MICALL2: variants seen among roughly 807,000 people sequenced by gnomAD.
MICALL2 encodes the protein MICAL like 2, also known as MICAL-like protein 2.
A neutral mutation model predicts 91.1 loss-of-function variants in MICALL2; 111 were observed. That is an observed-to-expected ratio of 1.22 (90% CI 1.04 to 1.43). The LOEUF (loss-of-function observed/expected upper bound fraction) is 1.43, where lower values mean the gene tolerates loss of function less well. MICALL2 is among the 40% of genes most tolerant of loss of function. The pLI is 0.00. For missense variants in MICALL2, 1,556 were observed against 1,236.0 expected (o/e 1.26, Z -3.88); for synonymous variants, 694 against 525.3 (o/e 1.32, Z -4.39).
intron 1 of MICALL2, among the ~76,000 whole-genome samples, chr7:1,455,952 G>C (rs995904746): frequency 6.6e-6 from 1 of 151,986 alleles, no homozygotes; most frequent in African/African-American, 2.4e-5. Context: ...ACCGGTCTGT[G>C]CCTGTCCCTC....
At chr7:1,442,073 G>A in intron 7 of MICALL2, 119 bp downstream of exon 7, 1 of 1,157,032 alleles carries the variant, frequency 8.6e-7, no homozygotes, top group Admixed American at 2.0e-5. Flanking sequence ...ACAGAGATGA[G>A]ACGGAGAGGA....
chr7:1,441,051 T>G, intron 7 of MICALL2: 1 of 298,070 alleles, frequency 3.4e-6, no homozygotes, highest in Non-Finnish European at 6.6e-6. Context: ...GGCTCCTGGG[T>G]CCTGCAGGAT....
chr7:1,441,995 G>A (rs958682194), intron 7 of MICALL2, 197 bp downstream of exon 7: 15 of 664,856 alleles, frequency 2.3e-5, no homozygotes, highest in East Asian at 5.4e-5. Context: ...TAGCCCTGAG[G>A]ACATTTGCAG....
rs532795212 is a variant in MICALL2, at chr7:1,445,557, G to A, written c.642-129C>T. The A allele has an allele frequency of 6.9e-3, 5,831 of 843,044 alleles. 31 individuals carry two copies. Among genetic ancestry groups the A allele is most frequent in the Non-Finnish European group, 9.0e-3 (5,047 of 558,210 alleles). The allele number at this position is 843,044 out of a possible 1,614,324, so 52.2% of individuals were successfully genotyped here. A position where few individuals can be genotyped will look rare whatever the true frequency, so the allele number is the denominator to read the frequency against. Reference sequence around the variant, plus strand: ...TGCGAGGTTGCTGAACGCCCGCCCCGCCACGCATTCACCACGTGCTCCTGA... The same window carrying A: ...TGCGAGGTTGCTGAACGCCCGCCCCACCACGCATTCACCACGTGCTCCTGA... On this transcript the variant is annotated intron_variant, in intron 5 of 16. Coordinates refer to ENST00000297508, the MANE Select transcript of MICALL2 (RefSeq NM_182924.4).
At chr7:1,448,889 G>C in intron 2 of MICALL2, 128 bp from the exon 3 acceptor site, 1 of 1,156,422 alleles carries the variant, frequency 8.6e-7, no homozygotes, top group South Asian at 1.4e-5. Context: ...GGCCGGAGCT[G>C]AGTTCTGCTC....
In MICALL2 at chr7:1,440,046, C is replaced by CA; in HGVS notation, c.1844_1845insT (p.Arg616GlufsTer27). ...CCTTCCTGGGGGCCTCCCCCGCCCT[C>CA]GGCTCTGCCAGGGCCCGTGGTTCCT... On this transcript the variant is annotated frameshift_variant, in exon 9 of 17. Coordinates refer to ENST00000297508, the MANE Select transcript of MICALL2 (RefSeq NM_182924.4). LOFTEE classifies it high-confidence loss of function. 6.3e-7 allele frequency: 1 copy of CA among 1,584,358 alleles called. No homozygotes were observed. The highest frequency in any genetic ancestry group is 8.5e-7 in the Non-Finnish European group (1 of 1,170,646).
intron 10 of MICALL2, 140 bp downstream of exon 10, chr7:1,438,700 G>T: frequency 1.3e-6 from 2 of 1,482,932 alleles, no homozygotes; most frequent in Non-Finnish European, 1.8e-6. Flanking sequence ...CTGGGGCACG[G>T]GGCTGGGTCC....
rs970660848 is a variant in MICALL2, at chr7:1,447,523, C to A, written c.525+52G>T. The A allele has an allele frequency of 2.6e-6, 3 of 1,175,790 alleles. No homozygotes were observed. In the East Asian group the frequency reaches 8.0e-5, roughly 32 times the overall value. 72.8% of individuals were successfully genotyped at this position (1,175,790 alleles called of 1,614,324 possible). ...CGTAGTCCCACAAGCCCCTTCTGCA[C>A]CCCCCGGTGGAAAACCCAGAGAACC... On this transcript the variant is annotated intron_variant, in intron 4 of 16. Coordinates refer to ENST00000297508, the MANE Select transcript of MICALL2 (RefSeq NM_182924.4).
At chr7:1,458,597 A>G (rs1225323996) in intron 1 of MICALL2, among the ~76,000 whole-genome samples, 1 of 152,226 alleles carries the variant, frequency 6.6e-6, no homozygotes, top group Non-Finnish European at 1.5e-5. Context: ...GAGACAGCCT[A>G]GTCCTCAACC....
intron 5 of MICALL2, 95 bp from the exon 6 acceptor site, chr7:1,445,523 G>A (rs1450737788): frequency 3.2e-6 from 4 of 1,246,526 alleles, no homozygotes; most frequent in Non-Finnish European, 4.3e-6. Context: ...GCGGACTCCT[G>A]TGTCCACTTG....
In MICALL2 at chr7:1,442,226, C is replaced by T. The variant is rs369686654; in HGVS notation, c.1677G>A (p.Pro559=). 6.4e-5 allele frequency: 104 copies of T among 1,612,668 alleles called. No individual in the cohort carries two copies. The highest frequency in any genetic ancestry group is 7.0e-5 in the Non-Finnish European group (83 of 1,179,924). ...GAGSRPKPEA[P]MAKGKSTTLT... ...AGGTGGTGCTTTTACCCTTTGCCAT[C>T]GGGGCCTCTGGCTTCGGCCTGGAGC... The change falls in exon 7 of 17, where the codon CCG becomes CCA. Residue 559 remains proline, a synonymous_variant. Coordinates refer to ENST00000297508, the MANE Select transcript of MICALL2 (RefSeq NM_182924.4).
At chr7:1,446,618 G>GGGA in intron 5 of MICALL2, 95 bp downstream of exon 5, 1 of 821,038 alleles carries the variant, frequency 1.2e-6, no homozygotes, top group South Asian at 1.5e-5. Flanking sequence ...ACGAGGAGCG[G>GGGA]GGAGGAGGAG....
intron 16 of MICALL2, 50 bp downstream of exon 16, chr7:1,435,051 C>A (rs771316227): frequency 3.1e-6 from 5 of 1,599,098 alleles, no homozygotes; most frequent in Non-Finnish European, 3.4e-6. Flanking sequence ...TCAGCATCCC[C>A]GGCCCACCCA....
At position 1,440,035 on chromosome 7, in the gene MICALL2, TCCC is replaced by T; in HGVS notation, c.1853_1855del (p.Gly618del). 1 of 1,576,130 alleles carries T rather than the reference TCCC, an allele frequency of 6.3e-7. No homozygotes were observed. Among genetic ancestry groups the T allele is most frequent in the Non-Finnish European group, 8.6e-7 (1 of 1,167,992 alleles). ...GCTGCCTGAGACCTTCCTGGGGGCC[TCCC>T]CCGCCCTCGGCTCTGCCAGGGCCCG... is the stretch of plus-strand genomic sequence containing the variant. On this transcript the variant is annotated inframe_deletion, in exon 9 of 17. Coordinates refer to ENST00000297508, the MANE Select transcript of MICALL2 (RefSeq NM_182924.4).
intron 7 of MICALL2, chr7:1,441,660 G>A (rs997626718): frequency 1.2e-5 from 2 of 166,652 alleles, no homozygotes; most frequent in African/African-American, 4.8e-5. Flanking sequence ...CCACCAGGGG[G>A]ACAGGGCATA....
rs748443886 is a variant in MICALL2, at chr7:1,444,689, A to G, written c.1381T>C (p.Ser461Pro). ...GGAGCGCCAGCCTCTTCCAGCGCTG[A>G]GAGGGCCTGCTTGAGGAAGTTCCGC... ...QARNFLKQAL[S>P]ALEEAGAPAP... The change falls in exon 6 of 17, where the codon TCA becomes CCA. Residue 461 changes from serine to proline, a missense_variant. Transcript: ENST00000297508. 7.4e-6 allele frequency: 12 copies of G among 1,611,936 alleles called. No individual in the cohort carries two copies. In the African/African-American group the frequency reaches 1.6e-4, roughly 22 times the overall value.
At position 1,438,911 on chromosome 7, in the gene MICALL2, G is replaced by T. The variant is rs780996529; in HGVS notation, c.2051C>A (p.Pro684His). The change falls in exon 10 of 17, where the codon CCC becomes CAC. Residue 684 changes from proline (P) to histidine (H), a missense_variant. Physicochemically the swap from Pro to His is moderately conservative, Grantham distance 77. Coordinates refer to ENST00000297508, the MANE Select transcript of MICALL2 (RefSeq NM_182924.4). ...CTGCACTCGGGCTTCCTGGCCAGGG[G>T]GCTCCGGCCGAAGCCAGTTGTCACA... ...DVCDNWLRPE[P>H]PGQEARVQSW... The T allele has an allele frequency of 6.2e-7, 1 of 1,609,472 alleles. No homozygotes were observed.
intron 1 of MICALL2, among the ~76,000 whole-genome samples, chr7:1,457,028 G>A (rs912482205): frequency 6.6e-6 from 1 of 152,106 alleles, no homozygotes; most frequent in South Asian, 2.1e-4. Context: ...GTGTGGGCTG[G>A]GCCTTGCTGC....
Position 1,440,074 on chromosome 7 carries a change from G to A in MICALL2, c.1817C>T (p.Pro606Leu). 1 of 1,588,986 alleles carries A rather than the reference G, an allele frequency of 6.3e-7. No individual in the cohort carries two copies. The highest frequency in any genetic ancestry group is 8.5e-7 in the Non-Finnish European group (1 of 1,172,302). Residue 606 changes from proline to leucine, a missense_variant, in exon 9 of 17, where the codon CCC becomes CTC. By Grantham distance (98) the Pro-to-Leu change is moderately conservative. Coordinates refer to ENST00000297508, the MANE Select transcript of MICALL2 (RefSeq NM_182924.4). ...CTCTGCCAGGGCCCGTGGTTCCTTGGGCTTCAGAGTCCTGGGCAGAAGGCA... is the reference window on the plus strand; with the variant it reads ...CTCTGCCAGGGCCCGTGGTTCCTTGAGCTTCAGAGTCCTGGGCAGAAGGCA... The part of the protein sequence containing the change: ...RRSPAERTLK[P>L]KEPRALAEPR...
Sources: gnomAD v4.1 joint callset for allele counts (sites outside exome capture counted in the v4.1 genomes callset) on GRCh38, gnomAD v4.1.1 for gene constraint, MANE v1.5 for transcripts, NCBI Gene and HGNC (gene_info 2026-07-23, HGNC 2026-07-21) for gene names.